The following SFXN2 variants were observed in gnomAD, a reference collection of about 807,000 sequenced individuals.
SFXN2 encodes sideroflexin 2, also known as sideroflexin-2.
Under a neutral mutation model 41.9 loss-of-function variants are expected in SFXN2, and 37 were observed. The observed-to-expected ratio is 0.88, with a 90% CI of 0.68 to 1.16. SFXN2 has a LOEUF of 1.16. SFXN2 is among the 50% of genes most tolerant of loss of function. The pLI, the probability that SFXN2 is intolerant of heterozygous loss-of-function variation, is 0.00. For synonymous variants in SFXN2, 150 were observed against 156.7 expected (o/e 0.96, Z 0.32); for missense variants, 386 against 425.2 (o/e 0.91, Z 0.81).
intron 4 of SFXN2, 69 bp downstream of exon 4, chr10:102,728,598 TGTCA>T: frequency 1.5e-6 from 2 of 1,366,190 alleles, no homozygotes; most frequent in Non-Finnish European, 2.1e-6. Context: ...GGTTCTGGGC[TGTCA>T]GTCCTTCCTG....
In SFXN2 at chr10:102,734,864, C is replaced by T. The variant is rs1372101404; in HGVS notation, c.822-998C>T. Among the ~76,000 whole-genome samples the T allele has an allele frequency of 6.6e-6, 1 of 152,146 alleles. No individual in the cohort carries two copies. The highest frequency in any genetic ancestry group is 1.5e-5 in the Non-Finnish European group (1 of 68,032). ...GGTCCATGCCAGCATCGTTGGCATC[C>T]TCTGATAACTTGTTAGAAGTAAAGA... On this transcript the variant is annotated intron_variant, in intron 10 of 11. Transcript: ENST00000369893. This position sits in a 1 kb window ranked among gnomAD's most constrained non-coding sequence, Gnocchi z 4.1.
chr10:102,730,596 A>G lies in SFXN2; in HGVS notation c.593+788A>G, dbSNP rs141806115. Among the ~76,000 whole-genome samples the G allele has an allele frequency of 2.6e-3, 397 of 152,300 alleles. 1 individual carries two copies. Among genetic ancestry groups the G allele is most frequent in the Non-Finnish European group, 4.4e-3 (302 of 68,020 alleles). On this transcript the variant is annotated intron_variant, in intron 6 of 11. Coordinates refer to ENST00000369893, the MANE Select transcript of SFXN2 (RefSeq NM_178858.6). Reference sequence around the variant, plus strand: ...CCAGTGGCCCTTTCCTAACAGGAGAATGAGTCCCTGCCACCTACCGGGGCT... The same window carrying G: ...CCAGTGGCCCTTTCCTAACAGGAGAGTGAGTCCCTGCCACCTACCGGGGCT...
In SFXN2 at chr10:102,731,722, G is replaced by C; in HGVS notation, c.594-1G>C. The stretch of plus-strand genomic sequence containing the variant: ...GTCCATTAACTCCTGTCTGTGTTTA[G>C]GGAGCTCATAAAGGGAATCTGCGTG... On this transcript the variant is annotated splice_acceptor_variant, in intron 6 of 11. Coordinates refer to ENST00000369893, the MANE Select transcript of SFXN2 (RefSeq NM_178858.6). LOFTEE classifies it high-confidence loss of function. 1 of 1,613,474 alleles carries C rather than the reference G, an allele frequency of 6.2e-7. No homozygotes were observed. The highest frequency in any genetic ancestry group is 8.5e-7 in the Non-Finnish European group (1 of 1,179,538).
At chr10:102,721,612 T>C (rs1222134440) in intron 1 of SFXN2, among the ~76,000 whole-genome samples, 1 of 147,520 alleles carries the variant, frequency 6.8e-6, no homozygotes, top group Non-Finnish European at 1.5e-5. Flanking sequence ...AAATTATATA[T>C]TTATATAGTT....
chr10:102,715,877 G>A (rs2064403627), intron 1 of SFXN2, among the ~76,000 whole-genome samples: 1 of 146,822 alleles, frequency 6.8e-6, no homozygotes, highest in Non-Finnish European at 1.5e-5. Flanking sequence ...GAGCCCAGGA[G>A]CTATTATCAC....
chr10:102,730,648 C>T (rs1231508664), intron 6 of SFXN2, among the ~76,000 whole-genome samples: 1 of 152,202 alleles, frequency 6.6e-6, no homozygotes, highest in African/African-American at 2.4e-5. Flanking sequence ...AAGAACTGGC[C>T]TGAGAAGAAC....
rs1360613054 is a variant in SFXN2, at chr10:102,732,846, T to A, written c.722-13T>A. ...CCCAGCCCTCCCCTCAGCTTCTCCC[T>A]GGTCTCTTCCAGTCTTGCTGCCAGT... On this transcript the variant is annotated splice_polypyrimidine_tract_variant and intron_variant, in intron 8 of 11. Coordinates refer to ENST00000369893, the MANE Select transcript of SFXN2 (RefSeq NM_178858.6). 8 of 1,613,988 alleles carry A rather than the reference T, an allele frequency of 5.0e-6. No individual in the cohort carries two copies. The highest frequency in any genetic ancestry group is 6.8e-6 in the Non-Finnish European group (8 of 1,179,974).
Position 102,728,453 on chromosome 10 carries a change from T to A in SFXN2, c.355T>A (p.Trp119Arg). 6.2e-7 allele frequency: 1 copy of A among 1,614,110 alleles called. No homozygotes were observed. The highest frequency in any genetic ancestry group is 8.5e-7 in the Non-Finnish European group (1 of 1,179,970). The change falls in exon 4 of 12, where the codon TGG becomes AGG. Residue 119 changes from tryptophan (W) to arginine (R), a missense_variant. By Grantham distance (101) the Trp-to-Arg change is moderately radical (BLOSUM62 -3). Coordinates refer to ENST00000369893, the MANE Select transcript of SFXN2 (RefSeq NM_178858.6). ...FYRTMPAVIF[W>R]QWVNQSFNAL... The stretch of plus-strand genomic sequence containing the variant: ...TAGGACGATGCCGGCGGTGATCTTC[T>A]GGCAGTGGGTGAACCAGTCCTTCAA...
rs989902693 is a variant in SFXN2 at position 102,735,859 on chromosome 10, C to G, written c.822-3C>G. ...TGATGCTTTGGTTTCTCCTTTCTTG[C>G]AGCCTCATCTTCATGGTGCCAGTGG... On this transcript the variant is annotated splice_polypyrimidine_tract_variant and splice_region_variant and intron_variant, in intron 10 of 11. Coordinates refer to ENST00000369893, the MANE Select transcript of SFXN2 (RefSeq NM_178858.6). 5 of 1,613,982 alleles carry G rather than the reference C, an allele frequency of 3.1e-6. No individual in the cohort carries two copies. The Admixed American group carries it at 5.0e-5, about 16-fold the overall frequency.
intron 1 of SFXN2, among the ~76,000 whole-genome samples, chr10:102,724,782 G>T (rs1208194917): frequency 6.6e-6 from 1 of 151,926 alleles, no homozygotes; most frequent in African/African-American, 2.4e-5. Context: ...AGAGTCCTTA[G>T]AATATTAACC....
Position 102,731,759 on chromosome 10 carries a change from T to C in SFXN2, c.630T>C (p.Asn210=). Residue 210 remains asparagine (N), a synonymous_variant, in exon 7 of 12, where the codon AAT becomes AAC. Transcript: ENST00000369893. ...LIKGICVKDR[N]ENEIGHSRRA... is the part of the protein sequence containing the mutation. ...AGGGAATCTGCGTGAAGGACAGGAATGAAAATGAGATTGGTCATTCCCGGG... is the reference window on the plus strand; with the variant it reads ...AGGGAATCTGCGTGAAGGACAGGAACGAAAATGAGATTGGTCATTCCCGGG... 6.2e-7 allele frequency: 1 copy of C among 1,614,020 alleles called. No individual in the cohort carries two copies. The highest frequency in any genetic ancestry group is 1.3e-5 in the African/African-American group (1 of 75,054).
chr10:102,724,442 G>A (rs1399550204), intron 1 of SFXN2, among the ~76,000 whole-genome samples: 1 of 152,098 alleles, frequency 6.6e-6, no homozygotes, highest in Non-Finnish European at 1.5e-5. Context: ...GGTGGCTCAC[G>A]CCTGTAATCC....
rs1842782393 is a variant in SFXN2 at position 102,741,461 on chromosome 10, A to G, written c.*3699A>G. 1 of 152,300 alleles carries G rather than the reference A, an allele frequency of 6.6e-6. No homozygotes were observed. 9.4% of individuals were successfully genotyped at this position (152,300 alleles called of 1,614,324 possible). On this transcript the variant is annotated 3_prime_UTR_variant, in exon 12 of 12. Coordinates refer to ENST00000369893, the MANE Select transcript of SFXN2 (RefSeq NM_178858.6). ...TCGGGAGAGGAGGAGGAAGGGAAGAAGAAGAGGTATAGAAGCTTCCTTTTG... is the reference window on the plus strand; with the variant it reads ...TCGGGAGAGGAGGAGGAAGGGAAGAGGAAGAGGTATAGAAGCTTCCTTTTG...
chr10:102,729,258 C>A, intron 4 of SFXN2, 61 bp from the exon 5 acceptor site: 2 of 1,540,514 alleles, frequency 1.3e-6, no homozygotes, highest in Non-Finnish European at 1.8e-6. Flanking sequence ...CTCCCTGAAG[C>A]CCGTGGTTTG....
At chr10:102,723,746 G>T (rs781091014) in intron 1 of SFXN2, among the ~76,000 whole-genome samples, 4 of 152,176 alleles carry the variant, frequency 2.6e-5, no homozygotes, top group Non-Finnish European at 5.9e-5. Context: ...GTTTCTCAAT[G>T]AGAGACAGAA....
At chr10:102,719,498 G>A (rs1024166852) in intron 1 of SFXN2, among the ~76,000 whole-genome samples, 1 of 152,044 alleles carries the variant, frequency 6.6e-6, no homozygotes, top group Non-Finnish European at 1.5e-5. Context: ...CAAAGTGCTG[G>A]GATTACAGGT....
intron 1 of SFXN2, among the ~76,000 whole-genome samples, chr10:102,722,810 A>G (rs1427513881): frequency 6.6e-6 from 1 of 152,164 alleles, no homozygotes; most frequent in Non-Finnish European, 1.5e-5. Context: ...TGGCCTGCCA[A>G]AGTGCTGGGA....
chr10:102,736,445 T>C (rs1397564624), intron 11 of SFXN2, among the ~76,000 whole-genome samples: 1 of 130,152 alleles, frequency 7.7e-6, no homozygotes, highest in African/African-American at 2.9e-5. Flanking sequence ...TTTTTTGAGA[T>C]GGAGTTTCAC....
intron 11 of SFXN2, 45 bp from the exon 12 acceptor site, chr10:102,737,618 G>C (rs751028956): frequency 7.6e-7 from 1 of 1,312,024 alleles, no homozygotes; most frequent in East Asian, 2.3e-5. Flanking sequence ...GTAACTTACT[G>C]CTTGTTCCTG....
Sources: allele counts gnomAD v4.1 joint callset (sites outside exome capture counted in the v4.1 genomes callset), GRCh38; gene constraint gnomAD v4.1.1; non-coding constraint Gnocchi (gnomAD v3.1); transcripts MANE v1.5; gene names NCBI Gene and HGNC (gene_info 2026-07-23, HGNC 2026-07-21).